Variants in PPP3CB observed in about 807,000 individuals in gnomAD.
The protein encoded by PPP3CB is protein phosphatase 3 catalytic subunit beta, also known as serine/threonine-protein phosphatase 2B catalytic subunit beta isoform.
Under a neutral mutation model 66.4 loss-of-function variants are expected in PPP3CB, and 8 were observed. That is an observed-to-expected ratio of 0.12 (90% CI 0.07 to 0.22). The LOEUF (loss-of-function observed/expected upper bound fraction) is 0.22. Among genes scored for constraint, PPP3CB ranks in the 10% least tolerant of loss-of-function variants. PPP3CB has a pLI of 1.00. For synonymous variants in PPP3CB, 208 were observed against 221.2 expected (o/e 0.94, Z 0.53); for missense variants, 319 against 642.5 (o/e 0.50, Z 5.44).
At chr10:73,469,911 A>C (rs966395262) in intron 8 of PPP3CB, among the ~76,000 whole-genome samples, 1 of 152,242 alleles carries the variant, frequency 6.6e-6, no homozygotes, top group Non-Finnish European at 1.5e-5. Context: ...ACAGAAGAGA[A>C]GCTGGCCTCT....
At chr10:73,487,570 A>C (rs907903776) in intron 1 of PPP3CB, among the ~76,000 whole-genome samples, 5 of 150,726 alleles carry the variant, frequency 3.3e-5, no homozygotes, top group African/African-American at 4.9e-5. Context: ...AAACCAAAAA[A>C]AAAAAAAAAA....
In PPP3CB at chr10:73,462,121, C is replaced by T. The variant is rs555001191; in HGVS notation, c.1108+5432G>A. Among the ~76,000 whole-genome samples, 227 of 148,684 alleles carry T rather than the reference C, an allele frequency of 1.5e-3. 2 individuals carry two copies. The highest frequency in any genetic ancestry group is 4.3e-3 in the South Asian group (20 of 4,688). On this transcript the variant is annotated intron_variant, in intron 9 of 13. Coordinates refer to ENST00000360663, the MANE Select transcript of PPP3CB (RefSeq NM_021132.4). Reference sequence around the variant, plus strand: ...TATGCTTGTACAGCCTGCAGAACCACGAGCCAATTAAACTCCTTCTTTTTT... The same window carrying T: ...TATGCTTGTACAGCCTGCAGAACCATGAGCCAATTAAACTCCTTCTTTTTT...
intron 3 of PPP3CB, 117 bp from the exon 4 acceptor site, chr10:73,475,147 C>T: frequency 7.6e-7 from 1 of 1,312,106 alleles, no homozygotes; most frequent in South Asian, 2.2e-5. Flanking sequence ...TTCTTTGTCC[C>T]TTACTAAAAT....
At chr10:73,494,436 C>T (rs138141960) in intron 1 of PPP3CB, among the ~76,000 whole-genome samples, 335 of 152,114 alleles carry the variant, frequency 2.2e-3, no homozygotes, top group African/African-American at 7.3e-3. Context: ...TACAGGGGCG[C>T]GCCACCATGC....
chr10:73,470,702 C>T lies in PPP3CB; in HGVS notation c.967G>A (p.Val323Ile), dbSNP rs1170061261. ...AATATCTTACCTTTATTATTGTAGA[C>T]ATCTAAGTAATTAGGTGCCGAAAAA... ...TIFSAPNYLD[V>I]YNNKAAVLKY... The change falls in exon 8 of 14, where the codon GTC becomes ATC. Residue 323 changes from valine (V) to isoleucine (I), a missense_variant. By Grantham distance (29) the Val-to-Ile change is conservative. Coordinates refer to ENST00000360663, the MANE Select transcript of PPP3CB (RefSeq NM_021132.4). 6.4e-7 allele frequency: 1 copy of T among 1,571,278 alleles called. No individual in the cohort carries two copies. Among genetic ancestry groups the T allele is most frequent in the African/African-American group, 1.4e-5 (1 of 73,708 alleles).
chr10:73,454,389 A>T, intron 10 of PPP3CB, 23 bp downstream of exon 10: 1 of 1,578,992 alleles, frequency 6.3e-7, no homozygotes, highest in Non-Finnish European at 8.7e-7. Flanking sequence ...TAAAAAAAAA[A>T]ATAGTAAGAT....
intron 1 of PPP3CB, among the ~76,000 whole-genome samples, chr10:73,484,049 C>T (rs1444331294): frequency 6.6e-6 from 1 of 151,464 alleles, no homozygotes; most frequent in Non-Finnish European, 1.5e-5. Context: ...GGCTGAGGCA[C>T]AAGAATCGCT....
intron 9 of PPP3CB, among the ~76,000 whole-genome samples, chr10:73,464,726 G>A (rs1251222518): frequency 1.3e-5 from 2 of 152,158 alleles, no homozygotes. Context: ...GAGGCCAGGA[G>A]TTTGAGACCA....
chr10:73,458,198 G>T (rs2056461355), intron 9 of PPP3CB, among the ~76,000 whole-genome samples: 2 of 152,274 alleles, frequency 1.3e-5, no homozygotes, highest in South Asian at 4.1e-4. Context: ...GTGCAGTGGT[G>T]TGATCTTGGC....
chr10:73,458,993 C>T (rs1386913422), intron 9 of PPP3CB, among the ~76,000 whole-genome samples: 1 of 151,464 alleles, frequency 6.6e-6, no homozygotes, highest in East Asian at 1.9e-4. Context: ...TCACTTGAAC[C>T]CAGGAGGCAG....
intron 8 of PPP3CB, among the ~76,000 whole-genome samples, chr10:73,468,743 A>C (rs1047434860): frequency 6.6e-6 from 1 of 152,202 alleles, no homozygotes; most frequent in Non-Finnish European, 1.5e-5. Flanking sequence ...CTAACTTAAT[A>C]AGTATATGTT....
At position 73,444,750 on chromosome 10, in the gene PPP3CB, A is replaced by G. The variant is rs1476702714; in HGVS notation, c.1341T>C (p.Ala447=). The stretch of plus-strand genomic sequence containing the variant: ...CACTTTGCAGGGTCTGCCGTCCTCC[A>G]GCTAACACTCCACTAGGCAACATCC... ...PTGMLPSGVL[A]GGRQTLQSAT... is the part of the protein sequence containing the mutation. The change falls in exon 12 of 14, where the codon GCT becomes GCC. Residue 447 remains alanine (A), a synonymous_variant. Coordinates refer to ENST00000360663, the MANE Select transcript of PPP3CB (RefSeq NM_021132.4). 6.2e-7 allele frequency: 1 copy of G among 1,614,002 alleles called. No individual in the cohort carries two copies. Among genetic ancestry groups the G allele is most frequent in the Non-Finnish European group, 8.5e-7 (1 of 1,180,048 alleles).
chr10:73,448,975 C>A (rs2056304278), intron 10 of PPP3CB, among the ~76,000 whole-genome samples: 1 of 152,012 alleles, frequency 6.6e-6, no homozygotes, highest in Non-Finnish European at 1.5e-5. Context: ...TGGAAGCAGA[C>A]ATAATTAGGG....
At chr10:73,474,320 C>T (rs1310874281) in intron 4 of PPP3CB, among the ~76,000 whole-genome samples, 4 of 151,816 alleles carry the variant, frequency 2.6e-5, no homozygotes, top group East Asian at 1.9e-4. Context: ...GGATTACAAG[C>T]GTGAGCTACC....
At chr10:73,457,699 C>A (rs1003859442) in intron 9 of PPP3CB, among the ~76,000 whole-genome samples, 3 of 148,398 alleles carry the variant, frequency 2.0e-5, no homozygotes, top group African/African-American at 7.5e-5. Flanking sequence ...GATGGTACCA[C>A]TGCACTCCAG....
Position 73,461,425 on chromosome 10 carries a change from C to T in PPP3CB, c.1108+6128G>A, listed in dbSNP as rs533392848. On this transcript the variant is annotated intron_variant, in intron 9 of 13. Transcript: ENST00000360663. ...ACACACCACTGCATTCCAGCCTGGG[C>T]GCAACAGAGCAAGATTCTGTCTCAA... Among the ~76,000 whole-genome samples, 83 of 151,644 alleles carry T rather than the reference C, an allele frequency of 5.5e-4. No individual in the cohort carries two copies. In the South Asian group the frequency reaches 0.011, roughly 20 times the overall value.
intron 7 of PPP3CB, 21 bp downstream of exon 7, chr10:73,470,866 T>C (rs1226345211): frequency 6.2e-7 from 1 of 1,605,790 alleles, no homozygotes; most frequent in Non-Finnish European, 8.5e-7. Flanking sequence ...TTAATTTGGG[T>C]CAGGGAAACA....
chr10:73,471,791 C>T (rs762931964), intron 4 of PPP3CB, among the ~76,000 whole-genome samples, 178 bp from the exon 5 acceptor site: 1 of 152,050 alleles, frequency 6.6e-6, no homozygotes, highest in Non-Finnish European at 1.5e-5. Flanking sequence ...GACAGACAGA[C>T]AGACAGATGG....
At position 73,474,976 on chromosome 10, in the gene PPP3CB, G is replaced by C; in HGVS notation, c.466C>G (p.Leu156Val). 6.2e-7 allele frequency: 1 copy of C among 1,614,024 alleles called. No individual in the cohort carries two copies. Among genetic ancestry groups the C allele is most frequent in the Non-Finnish European group, 8.5e-7 (1 of 1,180,000 alleles). ...KILYPSTLFL[L>V]RGNHECRHLT... ...TGTCTGCATTCATGGTTGCCTCTCA[G>C]AAGAAATAATGTGCTTGGGTATAGA... is the stretch of plus-strand genomic sequence containing the variant. Residue 156 changes from leucine to valine, a missense_variant, in exon 4 of 14, where the codon CTG (leucine) becomes GTG (valine). Leu to Val is a conservative substitution (Grantham distance 32, BLOSUM62 1). Around this residue, in one of 5 missense-constraint regions of PPP3CB, gnomAD observed 51 missense variants for 139.6 expected, o/e 0.37. Coordinates refer to ENST00000360663, the MANE Select transcript of PPP3CB (RefSeq NM_021132.4).
Sources: gnomAD v4.1 joint callset for allele counts (sites outside exome capture counted in the v4.1 genomes callset) on GRCh38, gnomAD v4.1.1 for gene constraint, gnomAD v4.1.1 regional missense constraint, MANE v1.5 for transcripts, NCBI Gene and HGNC (gene_info 2026-07-23, HGNC 2026-07-21) for gene names.